Variants in KCNU1 observed in about 807,000 individuals in gnomAD.
KCNU1 encodes the protein potassium calcium-activated channel subfamily U member 1.
In KCNU1, 93 loss-of-function variants were observed where a neutral mutation model predicts 126.8. The observed-to-expected ratio is 0.73, with a 90% CI of 0.62 to 0.87. The LOEUF (loss-of-function observed/expected upper bound fraction) is 0.87. Ranked by LOEUF, KCNU1 falls within the 40% of genes least tolerant of loss-of-function variation. KCNU1 has a pLI of 0.00. For synonymous variants in KCNU1, 523 were observed against 494.2 expected (o/e 1.06, Z -0.77); for missense variants, 1,330 against 1,367.1 (o/e 0.97, Z 0.43).
intron 18 of KCNU1, among the ~76,000 whole-genome samples, chr8:36,846,232 A>C (rs948800458): frequency 2.4e-4 from 36 of 152,190 alleles, no homozygotes; most frequent in Admixed American, 1.3e-3. Context: ...TCATGATTTC[A>C]CAGTTTTTCA....
chr8:36,876,828 AC>A (rs1427453105), intron 19 of KCNU1, among the ~76,000 whole-genome samples: 1 of 152,100 alleles, frequency 6.6e-6, no homozygotes, highest in Non-Finnish European at 1.5e-5. Flanking sequence ...GCTTCTTCAA[AC>A]CCTTGTCTAA....
chr8:36,824,433 T>A (rs1474260533), intron 10 of KCNU1, among the ~76,000 whole-genome samples: 1 of 152,226 alleles, frequency 6.6e-6, no homozygotes, highest in Non-Finnish European at 1.5e-5. Flanking sequence ...AATGCCTTAT[T>A]GTACCTAATT....
chr8:36,882,590 T>A (rs1273648503), intron 19 of KCNU1, among the ~76,000 whole-genome samples: 1 of 143,908 alleles, frequency 6.9e-6, no homozygotes, highest in Non-Finnish European at 1.5e-5. Context: ...CATTTCACTA[T>A]TTTTTTTTTT....
In KCNU1 at chr8:36,900,227, G is replaced by A. The variant is rs563690304; in HGVS notation, c.2010-5481G>A. 2.0e-5 allele frequency among the ~76,000 whole-genome samples: 3 copies of A among 152,234 alleles called. No homozygotes were observed. In the East Asian group the frequency reaches 5.8e-4, roughly 29 times the overall value. Reference sequence around the variant, plus strand: ...GGAATCGCAGAGGCCTTTCTAACAGGGAGGGTGAATTATGTCCCCAGTTGC... The same window carrying A: ...GGAATCGCAGAGGCCTTTCTAACAGAGAGGGTGAATTATGTCCCCAGTTGC... On this transcript the variant is annotated intron_variant, in intron 19 of 26. Transcript: ENST00000399881.
chr8:36,883,318 A>G (rs1054097440), intron 19 of KCNU1, among the ~76,000 whole-genome samples: 3 of 152,236 alleles, frequency 2.0e-5, no homozygotes, highest in African/African-American at 4.8e-5. Context: ...AGTAACTGGC[A>G]GTCATATATT....
chr8:36,874,748 C>T (rs992468734), intron 19 of KCNU1, among the ~76,000 whole-genome samples: 7 of 152,124 alleles, frequency 4.6e-5, no homozygotes, highest in African/African-American at 7.2e-5. Context: ...TTATTTATAC[C>T]TTTTAAAATA....
At chr8:36,913,332 A>T (rs547301853) in intron 22 of KCNU1, among the ~76,000 whole-genome samples, 1 of 152,288 alleles carries the variant, frequency 6.6e-6, no homozygotes, top group East Asian at 1.9e-4. Flanking sequence ...TTGGAAAGGC[A>T]AAGAGAAAAG....
At chr8:36,797,557 T>C (rs1054094582) in intron 2 of KCNU1, among the ~76,000 whole-genome samples, 10 of 152,170 alleles carry the variant, frequency 6.6e-5, no homozygotes, top group Non-Finnish European at 1.2e-4. Flanking sequence ...TAAAATTACA[T>C]TGAAACCTAA....
chr8:36,803,721 A>T (rs890044079), intron 2 of KCNU1, among the ~76,000 whole-genome samples: 1 of 152,214 alleles, frequency 6.6e-6, no homozygotes, highest in African/African-American at 2.4e-5. Flanking sequence ...ACATCTTGAG[A>T]TCAAAGATTA....
intron 19 of KCNU1, among the ~76,000 whole-genome samples, chr8:36,885,475 A>G (rs897378885): frequency 5.3e-5 from 8 of 152,126 alleles, no homozygotes; most frequent in Admixed American, 4.6e-4. Flanking sequence ...GAATCGCTTA[A>G]AGCCAGGAGA....
At chr8:36,861,194 TA>T (rs763764830) in intron 18 of KCNU1, among the ~76,000 whole-genome samples, 3 of 152,122 alleles carry the variant, frequency 2.0e-5, no homozygotes, top group Non-Finnish European at 4.4e-5. Flanking sequence ...CAAATTTCAA[TA>T]AAAAGAAAAG....
At chr8:36,925,532 T>C (rs1162542495) in intron 24 of KCNU1, among the ~76,000 whole-genome samples, 1 of 152,198 alleles carries the variant, frequency 6.6e-6, no homozygotes, top group Non-Finnish European at 1.5e-5. Flanking sequence ...CTGATAATTT[T>C]TGTTTTCCTT....
chr8:36,894,974 CAT>C (rs1807127615), intron 19 of KCNU1, among the ~76,000 whole-genome samples: 1 of 152,070 alleles, frequency 6.6e-6, no homozygotes, highest in South Asian at 2.1e-4. Flanking sequence ...TATTAGCTCT[CAT>C]GAACTTTGCC....
chr8:36,852,769 T>G (rs1000079206), intron 18 of KCNU1, among the ~76,000 whole-genome samples: 1 of 152,134 alleles, frequency 6.6e-6, no homozygotes, highest in Non-Finnish European at 1.5e-5. Flanking sequence ...AGTACTAATC[T>G]GTCTTTCATT....
chr8:36,869,306 T>C (rs979646154), intron 19 of KCNU1, among the ~76,000 whole-genome samples: 1 of 152,136 alleles, frequency 6.6e-6, no homozygotes, highest in Non-Finnish European at 1.5e-5. Context: ...CTTGTTTTGT[T>C]TGGCCCTATC....
chr8:36,885,765 C>T (rs1262112568), intron 19 of KCNU1, among the ~76,000 whole-genome samples: 1 of 151,924 alleles, frequency 6.6e-6, no homozygotes, highest in Non-Finnish European at 1.5e-5. Context: ...TGCACCCCAG[C>T]TTGGGAGACA....
intron 19 of KCNU1, chr8:36,888,466 C>A (rs775466832): frequency 2.1e-6 from 1 of 478,776 alleles, no homozygotes; most frequent in Non-Finnish European, 4.3e-6. Context: ...CTTCATCTCC[C>A]TTCAGCCCCA....
At chr8:36,805,022 C>T (rs1035856187) in intron 3 of KCNU1, among the ~76,000 whole-genome samples, 173 bp from the exon 4 acceptor site, 1 of 152,132 alleles carries the variant, frequency 6.6e-6, no homozygotes, top group Non-Finnish European at 1.5e-5. Context: ...TGGTTTTGTT[C>T]ATGCATTCCT....
At chr8:36,918,769 A>G (rs1174728218) in intron 22 of KCNU1, 54 bp from the exon 23 acceptor site, 1 of 1,040,592 alleles carries the variant, frequency 9.6e-7, no homozygotes, top group Non-Finnish European at 1.5e-6. Context: ...TACATTTTTG[A>G]CAAGTTTTGT....
Sources: allele counts gnomAD v4.1 joint callset (sites outside exome capture counted in the v4.1 genomes callset), GRCh38; gene constraint gnomAD v4.1.1; transcripts MANE v1.5; gene names NCBI Gene and HGNC (gene_info 2026-07-23, HGNC 2026-07-21).